Variants in TBC1D5 observed in about 807,000 individuals in gnomAD.
TBC1D5 encodes the protein TBC1 domain family, member 5.
A neutral mutation model predicts 100.3 loss-of-function variants in TBC1D5; 75 were observed. The observed-to-expected ratio is 0.75, with a 90% CI of 0.62 to 0.91. TBC1D5 has a LOEUF of 0.91. Ranked by LOEUF, TBC1D5 falls within the 40% of genes least tolerant of loss-of-function variation. The probability of loss-of-function intolerance (pLI) is 0.00; values close to 1 mark genes in which losing one functional copy is unlikely to be tolerated. For synonymous variants in TBC1D5, 323 were observed against 325.6 expected (o/e 0.99, Z 0.09); for missense variants, 910 against 942.4 (o/e 0.97, Z 0.45).
chr3:17,433,654 C>CT (rs1183848604), intron 3 of TBC1D5, among the ~76,000 whole-genome samples: 1 of 152,102 alleles, frequency 6.6e-6, no homozygotes, highest in Non-Finnish European at 1.5e-5. Flanking sequence ...ACTGTACCCC[C>CT]TCCCAAATCT....
chr3:17,207,156 G>A (rs1039115808), intron 18 of TBC1D5, among the ~76,000 whole-genome samples: 1 of 152,004 alleles, frequency 6.6e-6, no homozygotes, highest in Non-Finnish European at 1.5e-5. Context: ...CCTAGGCTGA[G>A]AATTTTTCTT....
At chr3:17,563,823 C>G (rs921098760) in intron 2 of TBC1D5, among the ~76,000 whole-genome samples, 1 of 152,080 alleles carries the variant, frequency 6.6e-6, no homozygotes, top group Non-Finnish European at 1.5e-5. Context: ...CCCTCTGTTG[C>G]CCAGGCTGGA....
chr3:17,318,002 A>T (rs2084908790), intron 13 of TBC1D5, among the ~76,000 whole-genome samples: 1 of 152,138 alleles, frequency 6.6e-6, no homozygotes, highest in African/African-American at 2.4e-5. Flanking sequence ...GATAGACTGG[A>T]TTAAGAAAAT....
At chr3:17,289,593 C>T (rs1430940942) in intron 15 of TBC1D5, among the ~76,000 whole-genome samples, 2 of 151,594 alleles carry the variant, frequency 1.3e-5, no homozygotes, top group Admixed American at 6.6e-5. Context: ...GAGACCACAC[C>T]TCTGCACTCC....
chr3:17,552,285 G>A (rs548492334), intron 2 of TBC1D5, among the ~76,000 whole-genome samples: 21 of 152,136 alleles, frequency 1.4e-4, no homozygotes, highest in Admixed American at 2.6e-4. Context: ...GCTCCCTCCT[G>A]TTAGAGACCT....
intron 4 of TBC1D5, among the ~76,000 whole-genome samples, chr3:17,426,165 T>G (rs994649927): frequency 5.9e-5 from 9 of 152,176 alleles, no homozygotes; most frequent in Non-Finnish European, 1.3e-4. Flanking sequence ...TCTAATAACC[T>G]ATGTCTAGTT....
chr3:17,625,645 A>G (rs1342057816), intron 1 of TBC1D5, among the ~76,000 whole-genome samples: 2 of 152,086 alleles, frequency 1.3e-5, no homozygotes, highest in Non-Finnish European at 2.9e-5. Flanking sequence ...TGCAAATACA[A>G]TAATTTTTAG....
At chr3:17,592,628 T>C (rs1220374358) in intron 2 of TBC1D5, among the ~76,000 whole-genome samples, 2 of 152,180 alleles carry the variant, frequency 1.3e-5, no homozygotes, top group African/African-American at 4.8e-5. Flanking sequence ...CAGTTTTGAA[T>C]GGGGTCCAGA....
chr3:17,184,172 T>C (rs1446293421), intron 19 of TBC1D5, among the ~76,000 whole-genome samples: 1 of 152,190 alleles, frequency 6.6e-6, no homozygotes, highest in Non-Finnish European at 1.5e-5. Flanking sequence ...ATGTGAGATA[T>C]AGCACCTTTA....
intron 13 of TBC1D5, among the ~76,000 whole-genome samples, chr3:17,308,478 T>C (rs527767940): frequency 6.6e-6 from 1 of 152,266 alleles, no homozygotes; most frequent in East Asian, 1.9e-4. Flanking sequence ...GGTTGTAAGT[T>C]AAAAATAAAA....
intron 14 of TBC1D5, among the ~76,000 whole-genome samples, chr3:17,294,360 A>G (rs185799135): frequency 6.6e-6 from 1 of 152,146 alleles, no homozygotes; most frequent in Admixed American, 6.5e-5. Flanking sequence ...GCTATTACGG[A>G]CTAGAGAAGC....
At chr3:17,650,289 A>AAAAAT (rs1327017156) in intron 1 of TBC1D5, among the ~76,000 whole-genome samples, 1 of 152,144 alleles carries the variant, frequency 6.6e-6, no homozygotes, top group African/African-American at 2.4e-5. Flanking sequence ...CTTAAAGTAT[A>AAAAAT]AAAATAAAAT....
intron 14 of TBC1D5, among the ~76,000 whole-genome samples, chr3:17,294,276 G>A (rs1275102183): frequency 6.6e-6 from 1 of 152,104 alleles, no homozygotes; most frequent in Non-Finnish European, 1.5e-5. Context: ...CTAGAGTGCA[G>A]TGGCATGATC....
intron 2 of TBC1D5, among the ~76,000 whole-genome samples, chr3:17,623,376 C>T (rs1468341399): frequency 6.6e-6 from 1 of 152,162 alleles, no homozygotes; most frequent in African/African-American, 2.4e-5. Flanking sequence ...GTCTTTCAAA[C>T]TACTTTCTGA....
chr3:17,315,717 AC>A (rs1165869735), intron 13 of TBC1D5, among the ~76,000 whole-genome samples: 1 of 151,914 alleles, frequency 6.6e-6, no homozygotes, highest in African/African-American at 2.4e-5. Context: ...ATAAATGAAG[AC>A]CCCCCAAATG....
intron 1 of TBC1D5, among the ~76,000 whole-genome samples, chr3:17,671,914 A>G (rs2067988393): frequency 6.6e-6 from 1 of 152,248 alleles, no homozygotes; most frequent in South Asian, 2.1e-4. Context: ...GCTTTCTGAA[A>G]CTACTGACAT....
intron 2 of TBC1D5, among the ~76,000 whole-genome samples, chr3:17,520,054 A>G (rs182949387): frequency 6.6e-6 from 1 of 152,308 alleles, no homozygotes; most frequent in East Asian, 1.9e-4. Context: ...TTCAACCACA[A>G]CTTTGGACAT....
At position 17,734,722 on chromosome 3, in the gene TBC1D5, G is replaced by A. The variant is rs367685958; in HGVS notation, c.-101+4621C>T. On this transcript the variant is annotated intron_variant, in intron 1 of 21. Transcript: ENST00000253692. ...ATGGCATGTAAAAGGCCTCTCAAATGGCTTTGTTGTAAAGGGTAAACTGGC... is the reference window on the plus strand; with the variant it reads ...ATGGCATGTAAAAGGCCTCTCAAATAGCTTTGTTGTAAAGGGTAAACTGGC... Among the ~76,000 whole-genome samples, 46 of 152,268 alleles carry A rather than the reference G, an allele frequency of 3.0e-4. No homozygotes were observed. The East Asian group carries it at 4.8e-3, about 16-fold the overall frequency.
intron 21 of TBC1D5, among the ~76,000 whole-genome samples, chr3:17,163,941 C>CG (rs1364994000): frequency 2.6e-5 from 4 of 152,168 alleles, no homozygotes; most frequent in Non-Finnish European, 4.4e-5. Flanking sequence ...GCAAGTGATG[C>CG]GTTGGCTGAC....
Sources: allele counts gnomAD v4.1 joint callset (sites outside exome capture counted in the v4.1 genomes callset), GRCh38; gene constraint gnomAD v4.1.1; transcripts MANE v1.5; gene names NCBI Gene and HGNC (gene_info 2026-07-23, HGNC 2026-07-21).